The following RAB27A variants were observed in gnomAD, a reference collection of about 807,000 sequenced individuals.
RAB27A encodes the protein ras-related protein Rab-27A.
Under a neutral mutation model 20.8 loss-of-function variants are expected in RAB27A, and 17 were observed. The ratio of observed to expected loss-of-function variants is 0.82; its 90% CI spans 0.56 to 1.23. The LOEUF is 1.23. Among genes scored for constraint, RAB27A ranks in the 50% most tolerant of loss-of-function variants. The pLI is 0.00. For missense variants in RAB27A, 277 were observed against 266.7 expected, an observed-to-expected ratio of 1.04 and a Z score of -0.27; for synonymous variants, 85 against 92.8, an observed-to-expected ratio of 0.92 and a Z score of 0.48.
chr15:55,262,370 T>C (rs981933470), intron 2 of RAB27A, among the ~76,000 whole-genome samples: 2 of 151,700 alleles, frequency 1.3e-5, no homozygotes, highest in Admixed American at 6.6e-5. Context: ...TGAAACCTCG[T>C]CTCTACTCAA....
chr15:55,314,825 T>C (rs1023916511), intron 1 of RAB27A, among the ~76,000 whole-genome samples: 1 of 152,152 alleles, frequency 6.6e-6, no homozygotes, highest in South Asian at 2.1e-4. Context: ...ATCATGAAAA[T>C]GGCCATACTG....
At chr15:55,289,007 G>C (rs1898234498) in intron 1 of RAB27A, 1 of 152,238 alleles carries the variant, frequency 6.6e-6, no homozygotes. Flanking sequence ...TAAGCTGTAG[G>C]GGTAAGGACC....
chr15:55,309,000 GT>G (rs908920780), intron 2 of RAB27A, among the ~76,000 whole-genome samples: 1 of 152,092 alleles, frequency 6.6e-6, no homozygotes, highest in African/African-American at 2.4e-5. Context: ...GCTATTCCTG[GT>G]TTTTTTATGA....
intron 2 of RAB27A, among the ~76,000 whole-genome samples, chr15:55,312,130 G>C (rs1482726026): frequency 6.6e-6 from 1 of 152,232 alleles, no homozygotes; most frequent in Admixed American, 6.5e-5. Context: ...ACAATGGCAA[G>C]CCTTCAGTCC....
intron 1 of RAB27A, among the ~76,000 whole-genome samples, chr15:55,285,940 C>A (rs1336034528): frequency 6.6e-6 from 1 of 152,174 alleles, no homozygotes; most frequent in East Asian, 1.9e-4. Flanking sequence ...GGACCAAAAT[C>A]CTCACCTTTC....
intron 2 of RAB27A, among the ~76,000 whole-genome samples, chr15:55,309,556 T>G (rs2055011530): frequency 6.6e-6 from 1 of 152,182 alleles, no homozygotes; most frequent in African/African-American, 2.4e-5. Flanking sequence ...CCCTGAACCC[T>G]TGGGGTAAAA....
At chr15:55,248,564 A>G (rs914766707) in intron 2 of RAB27A, among the ~76,000 whole-genome samples, 1 of 152,200 alleles carries the variant, frequency 6.6e-6, no homozygotes, top group Non-Finnish European at 1.5e-5. Context: ...CCATTCTGGA[A>G]AACCAAGTGT....
chr15:55,227,533 A>G (rs1402970891), intron 5 of RAB27A, among the ~76,000 whole-genome samples: 2 of 152,214 alleles, frequency 1.3e-5, no homozygotes, highest in African/African-American at 4.8e-5. Flanking sequence ...ATAGCTCTTC[A>G]ACTCTTAGTG....
chr15:55,214,232 C>T lies in RAB27A; in HGVS notation c.468-8527G>A, dbSNP rs8040841. On this transcript the variant is annotated intron_variant, in intron 6 of 6. Coordinates refer to ENST00000336787, the MANE Select transcript of RAB27A (RefSeq NM_183235.3). ...CGGGCGGATCACGAAGTCGGGAGAT[C>T]GAGACCATCCTGGCTAACATGGTGA... 3.6e-3 allele frequency among the ~76,000 whole-genome samples: 553 copies of T among 152,202 alleles called. 3 individuals carry two copies. The highest frequency in any genetic ancestry group is 9.6e-3 in the African/African-American group (399 of 41,494).
chr15:55,307,990 G>A (rs1396449499), intron 2 of RAB27A, among the ~76,000 whole-genome samples: 2 of 151,998 alleles, frequency 1.3e-5, no homozygotes, highest in East Asian at 3.9e-4. Flanking sequence ...TCCTTCTTCA[G>A]TGGCTAGCCA....
chr15:55,317,527 C>G (rs1330848736), intron 1 of RAB27A: 1 of 353,524 alleles, frequency 2.8e-6, no homozygotes, highest in Non-Finnish European at 5.1e-6. Context: ...GTTGGTCAGG[C>G]TGGTCTTGAA....
chr15:55,209,981 T>C lies in RAB27A; in HGVS notation c.468-4276A>G, dbSNP rs191888135. 5.8e-5 allele frequency among the ~76,000 whole-genome samples: 8 copies of C among 138,494 alleles called. 2 individuals are homozygous for C. In the East Asian group the frequency reaches 1.7e-3, roughly 29 times the overall value. 90.9% of individuals were successfully genotyped at this position (138,494 alleles called of 152,430 possible). On this transcript the variant is annotated intron_variant, in intron 6 of 6. Coordinates refer to ENST00000336787, the MANE Select transcript of RAB27A (RefSeq NM_183235.3). ...ATATATGTGCGTATGTGTGTACATG[T>C]ACATATATACGCATATATGTGTGTA... is the stretch of plus-strand genomic sequence containing the variant.
At chr15:55,303,092 A>G (rs1440641873) in intron 2 of RAB27A, among the ~76,000 whole-genome samples, 1 of 132,740 alleles carries the variant, frequency 7.5e-6, no homozygotes, top group Non-Finnish European at 1.6e-5. Context: ...TGGGGGGGTC[A>G]GCCCCCCGCC....
At chr15:55,296,730 T>C (rs564110648) in intron 2 of RAB27A, among the ~76,000 whole-genome samples, 10 of 152,260 alleles carry the variant, frequency 6.6e-5, no homozygotes, top group African/African-American at 1.9e-4. Context: ...TCTGATGACA[T>C]GTGGGTCTGA....
intron 2 of RAB27A, among the ~76,000 whole-genome samples, chr15:55,298,355 C>CA (rs2054958535): frequency 6.6e-6 from 1 of 152,106 alleles, no homozygotes; most frequent in African/African-American, 2.4e-5. Flanking sequence ...AGCTGGGCGA[C>CA]CGGGGGAGAC....
At chr15:55,273,339 G>A (rs1241398224) in intron 1 of RAB27A, among the ~76,000 whole-genome samples, 1 of 151,460 alleles carries the variant, frequency 6.6e-6, no homozygotes. Context: ...AACCCGGGAG[G>A]CGGAGGTTGC....
chr15:55,211,519 T>C (rs996062483), intron 6 of RAB27A, among the ~76,000 whole-genome samples: 13 of 152,352 alleles, frequency 8.5e-5, no homozygotes, highest in African/African-American at 3.1e-4. Flanking sequence ...GCAGCTATTG[T>C]AAATGAGATT....
intron 2 of RAB27A, among the ~76,000 whole-genome samples, chr15:55,256,454 A>G (rs1308560078): frequency 6.6e-6 from 1 of 152,186 alleles, no homozygotes; most frequent in Non-Finnish European, 1.5e-5. Context: ...CCGTGACTCA[A>G]AGCAAGAGCC....
chr15:55,217,640 G>C (rs555676373), intron 6 of RAB27A, among the ~76,000 whole-genome samples: 1 of 132,634 alleles, frequency 7.5e-6, no homozygotes, highest in Non-Finnish European at 1.5e-5. Context: ...ACTCCAGCTG[G>C]GTGACAGAGC....
Sources: allele counts gnomAD v4.1 joint callset (sites outside exome capture counted in the v4.1 genomes callset), GRCh38; gene constraint gnomAD v4.1.1; transcripts MANE v1.5; gene names NCBI Gene and HGNC (gene_info 2026-07-23, HGNC 2026-07-21).